CDH8: variants seen among roughly 807,000 people sequenced by gnomAD.
CDH8 encodes cadherin 8.
Under a neutral mutation model 68.1 loss-of-function variants are expected in CDH8, and 17 were observed. The observed-to-expected ratio is 0.25, with a 90% CI of 0.17 to 0.37. The LOEUF (loss-of-function observed/expected upper bound fraction) is 0.37. Among genes scored for constraint, CDH8 ranks in the 10% least tolerant of loss-of-function variants. The pLI is 1.00. For synonymous variants in CDH8, 372 were observed against 365.1 expected, an observed-to-expected ratio of 1.02 and a Z score of -0.21; for missense variants, 763 against 999.3, an observed-to-expected ratio of 0.76 and a Z score of 3.19.
At chr16:62,015,033 A>ACC (rs1292999920) in intron 2 of CDH8, among the ~76,000 whole-genome samples, 2 of 152,062 alleles carry the variant, frequency 1.3e-5, no homozygotes, top group Non-Finnish European at 2.9e-5. Context: ...ACACACACAC[A>ACC]CAGAGGCTGA....
chr16:62,015,637 T>C (rs749197850), intron 2 of CDH8, among the ~76,000 whole-genome samples: 9 of 152,168 alleles, frequency 5.9e-5, no homozygotes, highest in African/African-American at 1.9e-4. Flanking sequence ...TTCAGCGCAA[T>C]GGACTGAATG....
chr16:61,650,706 T>TGTGTGTGAGAGAGAGA lies in CDH8; in HGVS notation c.*2901_*2902insTCTCTCTCTCACACAC, dbSNP rs745949180. 3.9e-4 allele frequency: 46 copies of TGTGTGTGAGAGAGAGA among 116,678 alleles called. No individual in the cohort carries two copies. Among genetic ancestry groups the TGTGTGTGAGAGAGAGA allele is most frequent in the African/African-American group, 1.3e-3 (38 of 29,864 alleles). The allele number at this position is 116,678 out of a possible 1,614,324, so 7.2% of individuals were successfully genotyped here. A position where few individuals can be genotyped will look rare whatever the true frequency, so the allele number is the denominator to read the frequency against. On this transcript the variant is annotated 3_prime_UTR_variant, in exon 12 of 12. Transcript: ENST00000577390. ...GTGTGTGTGTGTGTGTGTGTGTGTG[T>TGTGTGTGAGAGAGAGA]GAGAGAGAGAGAGAGAGAGAGAGAG...
chr16:61,857,180 A>G lies in CDH8; in HGVS notation c.606T>C (p.Ser202=), dbSNP rs553910872. Residue 202 remains serine (S), a synonymous_variant, in exon 4 of 12, where the codon AGT becomes AGC. Coordinates refer to ENST00000577390, the MANE Select transcript of CDH8 (RefSeq NM_001796.5). ...CCAATATACTATAAACCAACTTTGC[A>G]CTGTTTCCATAAACTGGGTCATCAG... ...TDADDPVYGN[S]AKLVYSILEG... is the part of the protein sequence containing the mutation. 1.2e-6 allele frequency: 2 copies of G among 1,613,396 alleles called. No homozygotes were observed. The highest frequency in any genetic ancestry group is 1.7e-5 in the Admixed American group (1 of 59,984).
intron 3 of CDH8, among the ~76,000 whole-genome samples, chr16:61,869,080 G>A (rs1213254445): frequency 1.3e-4 from 20 of 152,178 alleles, no homozygotes; most frequent in Admixed American, 1.3e-3. Flanking sequence ...TTGAATAGAT[G>A]CTGTATTTAT....
chr16:61,736,387 G>C (rs553362671), intron 8 of CDH8, among the ~76,000 whole-genome samples: 1 of 152,120 alleles, frequency 6.6e-6, no homozygotes, highest in Middle Eastern at 3.2e-3. Context: ...CTGGCAAGCC[G>C]TTGAACTATT....
rs1239825549 is a variant in CDH8, at chr16:61,956,306, T to G, written c.253-54833A>C. ...ATAACAGAAGTGATATTTATGTGTT[T>G]GTTTTGTTCTAAAAGAGGCAAGACA... On this transcript the variant is annotated intron_variant, in intron 2 of 11. Transcript: ENST00000577390. Among the ~76,000 whole-genome samples the G allele has an allele frequency of 2.0e-5, 3 of 152,194 alleles. No homozygotes were observed. In the East Asian group the frequency reaches 5.8e-4, roughly 29 times the overall value.
chr16:61,827,307 T>C (rs561247074), intron 4 of CDH8, among the ~76,000 whole-genome samples: 1 of 152,030 alleles, frequency 6.6e-6, no homozygotes, highest in Admixed American at 6.6e-5. Context: ...CACTGGACTT[T>C]GGAATTTGAC....
At chr16:61,695,775 G>A (rs1419164204) in intron 10 of CDH8, among the ~76,000 whole-genome samples, 1 of 152,138 alleles carries the variant, frequency 6.6e-6, no homozygotes, top group African/African-American at 2.4e-5. Context: ...TCTTGTCTTA[G>A]AATGCAAAAC....
intron 2 of CDH8, among the ~76,000 whole-genome samples, chr16:61,993,540 G>A (rs1965762387): frequency 6.6e-6 from 1 of 152,124 alleles, no homozygotes; most frequent in African/African-American, 2.4e-5. Context: ...AATTGCAATA[G>A]TAGTAGTAAT....
At chr16:61,809,493 A>G (rs546762814) in intron 7 of CDH8, among the ~76,000 whole-genome samples, 36 of 152,250 alleles carry the variant, frequency 2.4e-4, no homozygotes, top group African/African-American at 8.2e-4. Flanking sequence ...ATGGGGCTTA[A>G]AACCTAGATG....
At position 61,713,946 on chromosome 16, in the gene CDH8, C is replaced by G. The variant is rs753955851; in HGVS notation, c.1549G>C (p.Val517Leu). 6.3e-7 allele frequency: 1 copy of G among 1,595,578 alleles called. No homozygotes were observed. Among genetic ancestry groups the G allele is most frequent in the South Asian group, 1.1e-5 (1 of 90,658 alleles). ...GGATCATCTTTGTCCATGGCGCTAACAGTTTGAATGACCTGAAACATAAAA... is the reference window on the plus strand; with the variant it reads ...GGATCATCTTTGTCCATGGCGCTAAGAGTTTGAATGACCTGAAACATAAAA... The part of the protein sequence containing the change: ...NGKPGQVIQT[V>L]SAMDKDDPKN... The change falls in exon 10 of 12, where the codon GTT (valine) becomes CTT (leucine). Residue 517 changes from valine (V) to leucine (L), a missense_variant. Physicochemically the swap from Val to Leu is conservative, Grantham distance 32 (BLOSUM62 1). Coordinates refer to ENST00000577390, the MANE Select transcript of CDH8 (RefSeq NM_001796.5).
intron 10 of CDH8, among the ~76,000 whole-genome samples, chr16:61,690,792 G>T (rs1964205963): frequency 6.6e-6 from 1 of 151,958 alleles, no homozygotes; most frequent in South Asian, 2.1e-4. Context: ...TGAAATCTTT[G>T]AAACATTTTT....
intron 8 of CDH8, among the ~76,000 whole-genome samples, chr16:61,775,045 T>C (rs1960869980): frequency 6.6e-6 from 1 of 152,110 alleles, no homozygotes; most frequent in Non-Finnish European, 1.5e-5. Flanking sequence ...AAAGAATCTA[T>C]AGTTAACCAA....
chr16:62,019,306 T>G (rs1490116737), intron 2 of CDH8, among the ~76,000 whole-genome samples: 2 of 152,196 alleles, frequency 1.3e-5, no homozygotes, highest in African/African-American at 2.4e-5. Context: ...TAAGGTATAG[T>G]GGGTGAAATA....
At chr16:61,757,566 C>T (rs897713288) in intron 8 of CDH8, among the ~76,000 whole-genome samples, 1 of 152,118 alleles carries the variant, frequency 6.6e-6, no homozygotes, top group Non-Finnish European at 1.5e-5. Context: ...TGAATATAGG[C>T]TCTGTGATAG....
intron 4 of CDH8, among the ~76,000 whole-genome samples, chr16:61,850,642 A>G (rs1267303960): frequency 6.6e-6 from 1 of 151,976 alleles, no homozygotes; most frequent in Non-Finnish European, 1.5e-5. Context: ...TATCACCCTG[A>G]TCACCAATTT....
chr16:61,969,396 T>C (rs556090939), intron 2 of CDH8, among the ~76,000 whole-genome samples: 2 of 152,364 alleles, frequency 1.3e-5, no homozygotes, highest in African/African-American at 4.8e-5. Context: ...AGCTGGTTTC[T>C]TGAATAGTGC....
At chr16:61,696,986 T>C (rs1964338071) in intron 10 of CDH8, among the ~76,000 whole-genome samples, 1 of 152,128 alleles carries the variant, frequency 6.6e-6, no homozygotes, top group African/African-American at 2.4e-5. Context: ...ACCTCTCAGG[T>C]ACCATGCTCA....
chr16:61,817,582 A>T lies in CDH8; in HGVS notation c.1174T>A (p.Ser392Thr), dbSNP rs1962108672. The change falls in exon 7 of 12, where the codon TCT becomes ACT. Residue 392 changes from serine to threonine, a missense_variant. Physicochemically the swap from Ser to Thr is moderately conservative, Grantham distance 58 (BLOSUM62 1). Transcript: ENST00000577390. ...ACTTCAAGTAGGTAAGTCGGTGAAG[A>T]GAAGACCGGAGGCTCATCAGCATCT... is the stretch of plus-strand genomic sequence containing the variant. ...VEDADEPPVF[S>T]SPTYLLEVHE... 1 of 1,613,904 alleles carries T rather than the reference A, an allele frequency of 6.2e-7. No individual in the cohort carries two copies. Among genetic ancestry groups the T allele is most frequent in the Non-Finnish European group, 8.5e-7 (1 of 1,180,002 alleles).
Sources: allele counts gnomAD v4.1 joint callset (sites outside exome capture counted in the v4.1 genomes callset), GRCh38; gene constraint gnomAD v4.1.1; transcripts MANE v1.5; gene names NCBI Gene and HGNC (gene_info 2026-07-23, HGNC 2026-07-21).